The following CENPP variants were observed in gnomAD, a reference collection of about 807,000 sequenced individuals.
CENPP encodes centromere protein P.
In CENPP, 24 loss-of-function variants were observed where a neutral mutation model predicts 35.6. The ratio of observed to expected loss-of-function variants is 0.67; its 90% CI spans 0.49 to 0.95. CENPP has a LOEUF of 0.95. Ranked by LOEUF, CENPP falls within the 40% of genes least tolerant of loss-of-function variation. The pLI is 0.00. For synonymous variants in CENPP, 120 were observed against 125.5 expected (o/e 0.96, Z 0.29); for missense variants, 332 against 345.3 (o/e 0.96, Z 0.31).
intron 5 of CENPP, among the ~76,000 whole-genome samples, chr9:92,544,998 AC>A (rs1849401076): frequency 6.6e-6 from 1 of 152,186 alleles, no homozygotes; most frequent in Non-Finnish European, 1.5e-5. Flanking sequence ...TGCTGGGATT[AC>A]CGGTGTGAGC....
chr9:92,601,770 C>T (rs983366609), intron 5 of CENPP, among the ~76,000 whole-genome samples: 1 of 152,194 alleles, frequency 6.6e-6, no homozygotes, highest in Non-Finnish European at 1.5e-5. Context: ...GGGACACAGT[C>T]TCTCCCCAAC....
At chr9:92,345,516 A>G (rs998309718) in intron 3 of CENPP, among the ~76,000 whole-genome samples, 183 bp from the exon 4 acceptor site, 1 of 149,926 alleles carries the variant, frequency 6.7e-6, no homozygotes, top group African/African-American at 2.4e-5. Flanking sequence ...AAGGCATCTT[A>G]CCTTATTGTT....
In CENPP at chr9:92,326,081, C is replaced by T; in HGVS notation, c.83C>T (p.Pro28Leu). Reference sequence around the variant, plus strand: ...CGAGCGTGTGAGGACCCACCGGCGCCCTGGGAAGAGAAGTCCCGAGTCCAG... The same window carrying T: ...CGAGCGTGTGAGGACCCACCGGCGCTCTGGGAAGAGAAGTCCCGAGTCCAG... ...LRRACEDPPAPWEEKSRVQKS... is the reference protein window; with the variant it reads ...LRRACEDPPALWEEKSRVQKS... Residue 28 changes from proline (P) to leucine (L), a missense_variant, in exon 1 of 8, where the codon CCC becomes CTC. Physicochemically the swap from Pro to Leu is moderately conservative, Grantham distance 98 (BLOSUM62 -3). Transcript: ENST00000375587. The T allele has an allele frequency of 1.3e-6, 2 of 1,557,898 alleles. No individual in the cohort carries two copies. Among genetic ancestry groups the T allele is most frequent in the East Asian group, 2.4e-5 (1 of 41,148 alleles).
chr9:92,539,945 G>A (rs1169318985), intron 5 of CENPP, among the ~76,000 whole-genome samples: 1 of 152,080 alleles, frequency 6.6e-6, no homozygotes, highest in Non-Finnish European at 1.5e-5. Flanking sequence ...TTCCAAAAAG[G>A]TTATAGTAAA....
chr9:92,415,448 T>C (rs749784877), intron 5 of CENPP: 5 of 1,610,820 alleles, frequency 3.1e-6, no homozygotes, highest in Non-Finnish European at 1.7e-6. Flanking sequence ...AGTGGGTCAA[T>C]AGAAGGACAC....
At chr9:92,519,360 A>C (rs959732338) in intron 5 of CENPP, among the ~76,000 whole-genome samples, 8 of 152,336 alleles carry the variant, frequency 5.3e-5, no homozygotes, top group Middle Eastern at 6.8e-3. Context: ...TAACCAAAGC[A>C]ATCTTGAGAA....
chr9:92,523,328 G>A (rs1304357990), intron 5 of CENPP, among the ~76,000 whole-genome samples: 1 of 152,144 alleles, frequency 6.6e-6, no homozygotes, highest in Non-Finnish European at 1.5e-5. Flanking sequence ...AAATATTTGA[G>A]GCGTCATAGG....
chr9:92,556,517 T>C (rs1337909880), intron 5 of CENPP, among the ~76,000 whole-genome samples: 7 of 152,216 alleles, frequency 4.6e-5, no homozygotes, highest in Non-Finnish European at 7.3e-5. Flanking sequence ...GGAGCACCAG[T>C]GTTAGGTGCA....
chr9:92,606,819 G>A (rs375233230), intron 5 of CENPP, among the ~76,000 whole-genome samples: 1 of 152,060 alleles, frequency 6.6e-6, no homozygotes, highest in Non-Finnish European at 1.5e-5. Flanking sequence ...CAGGAGAATC[G>A]CTTGAACCCA....
rs1382216710 is a variant in CENPP at position 92,551,928 on chromosome 9, TATATATATATATATATATATATATG to T, written c.565-59375_565-59351del. On this transcript the variant is annotated intron_variant, in intron 5 of 7. Coordinates refer to ENST00000375587, the MANE Select transcript of CENPP (RefSeq NM_001012267.3). ...TTGTTATATATATGGTGTGTGTGTA[TATATATATATATATATATATATATG>T]ATATATATATGTGTGATATATATGT... Among the ~76,000 whole-genome samples, 8 of 53,512 alleles carry T rather than the reference TATATATATATATATATATATATATG, an allele frequency of 1.5e-4. 1 individual carries two copies. The highest frequency in any genetic ancestry group is 6.0e-4 in the African/African-American group (6 of 9,956). The allele number at this position is 53,512 out of a possible 152,430, so 35.1% of individuals were successfully genotyped here.
At position 92,417,700 on chromosome 9, in the gene CENPP, A is replaced by C. The variant is rs1194548832; in HGVS notation, c.564+37841A>C. 5 of 608,032 alleles carry C rather than the reference A, an allele frequency of 8.2e-6. No individual in the cohort carries two copies. The African/African-American group carries it at 9.4e-5, about 11-fold the overall frequency. 37.7% of individuals were successfully genotyped at this position (608,032 alleles called of 1,614,324 possible). A position where few individuals can be genotyped will look rare whatever the true frequency, so the allele number is the denominator to read the frequency against. ...TATATATAAAAGAATATCCAGAAAG[A>C]ATGGGCAGTGCTCAAACCAAAATTT... On this transcript the variant is annotated intron_variant, in intron 5 of 7. Transcript: ENST00000375587.
intron 4 of CENPP, among the ~76,000 whole-genome samples, chr9:92,357,135 CTA>C (rs1344512241): frequency 6.6e-6 from 1 of 151,660 alleles, no homozygotes; most frequent in African/African-American, 2.4e-5. Context: ...GAGTAACAAA[CTA>C]TTGTTGCAAA....
chr9:92,409,216 A>G (rs148807191), intron 5 of CENPP, among the ~76,000 whole-genome samples: 52 of 152,352 alleles, frequency 3.4e-4, no homozygotes, highest in African/African-American at 1.2e-3. Context: ...ATATCAATTT[A>G]GGAAATTGGA....
intron 5 of CENPP, among the ~76,000 whole-genome samples, chr9:92,582,455 C>T (rs576278741): frequency 1.3e-5 from 2 of 152,070 alleles, no homozygotes; most frequent in Non-Finnish European, 2.9e-5. Context: ...CCAGATAGAA[C>T]AGAATGAAGA....
At chr9:92,477,841 G>A (rs1035730807) in intron 5 of CENPP, among the ~76,000 whole-genome samples, 14 of 152,024 alleles carry the variant, frequency 9.2e-5, no homozygotes, top group African/African-American at 3.4e-4. Context: ...AAAATAAAAT[G>A]CCTGGATTAG....
chr9:92,499,531 C>T (rs1846548491), intron 5 of CENPP, among the ~76,000 whole-genome samples: 1 of 152,170 alleles, frequency 6.6e-6, no homozygotes. Context: ...AGATACCAGG[C>T]TGTGACCACT....
rs531452577 is a variant in CENPP, at chr9:92,611,824, G to A, written c.644+431G>A. ...CCCCGGCGCCACCCTGGCCCGTGCC[G>A]TGTTCTCCATCCTCTTCCCTTGGCT... On this transcript the variant is annotated intron_variant, in intron 6 of 7. Coordinates refer to ENST00000375587, the MANE Select transcript of CENPP (RefSeq NM_001012267.3). Among the ~76,000 whole-genome samples the A allele has an allele frequency of 7.2e-5, 11 of 152,336 alleles. No homozygotes were observed. In the East Asian group the frequency reaches 1.2e-3, roughly 16 times the overall value.
chr9:92,439,338 A>T (rs185984337), intron 5 of CENPP, among the ~76,000 whole-genome samples: 211 of 152,206 alleles, frequency 1.4e-3, no homozygotes, highest in African/African-American at 4.6e-3. Context: ...TTTTTTCAGT[A>T]AATTTAATGG....
intron 5 of CENPP, among the ~76,000 whole-genome samples, chr9:92,594,892 C>CTTTTTTT (rs1213825480): frequency 2.4e-4 from 25 of 105,098 alleles, no homozygotes; most frequent in South Asian, 3.3e-4. Context: ...GGTTGCTCTT[C>CTTTTTTT]TTTTTTTTTT....
Sources: gnomAD v4.1 joint callset for allele counts (sites outside exome capture counted in the v4.1 genomes callset) on GRCh38, gnomAD v4.1.1 for gene constraint, MANE v1.5 for transcripts, NCBI Gene and HGNC (gene_info 2026-07-23, HGNC 2026-07-21) for gene names.